PDZK1: variants seen among roughly 807,000 people sequenced by gnomAD.
The protein encoded by PDZK1 is PDZ domain containing 1.
Under a neutral mutation model 38.1 loss-of-function variants are expected in PDZK1, and 23 were observed. That is an observed-to-expected ratio of 0.60 (90% CI 0.43 to 0.85). The LOEUF (loss-of-function observed/expected upper bound fraction) is 0.85. PDZK1 is among the 40% of genes least tolerant of loss of function. PDZK1 has a pLI of 0.00. For missense variants in PDZK1, 297 were observed against 504.3 expected, an observed-to-expected ratio of 0.59 and a Z score of 3.94; for synonymous variants, 98 against 186.2, an observed-to-expected ratio of 0.53 and a Z score of 3.86.
At chr1:145,680,375 G>A (rs587718316) in intron 5 of PDZK1, among the ~76,000 whole-genome samples, 6 of 152,240 alleles carry the variant, frequency 3.9e-5, no homozygotes, top group South Asian at 2.1e-4. Context: ...GTTCTTTTAT[G>A]TATTTACCTT....
At chr1:145,705,028 C>A (rs1311727050) in intron 1 of PDZK1, among the ~76,000 whole-genome samples, 1 of 152,132 alleles carries the variant, frequency 6.6e-6, no homozygotes, top group Non-Finnish European at 1.5e-5. Flanking sequence ...CAGCAAGTAA[C>A]ACAAATGACA....
At chr1:145,699,910 T>G (rs1312196739) in intron 1 of PDZK1, among the ~76,000 whole-genome samples, 3 of 152,160 alleles carry the variant, frequency 2.0e-5, no homozygotes, top group Non-Finnish European at 2.9e-5. Context: ...GAAGCACATG[T>G]GGATGCCGTG....
chr1:145,684,365 C>T (rs1254794837), intron 3 of PDZK1, among the ~76,000 whole-genome samples: 1 of 152,034 alleles, frequency 6.6e-6, no homozygotes, highest in Non-Finnish European at 1.5e-5. Context: ...CCCACCACCA[C>T]ACCCGGCTAA....
chr1:145,707,073 C>A (rs1553705848), intron 1 of PDZK1, among the ~76,000 whole-genome samples: 2 of 152,018 alleles, frequency 1.3e-5, no homozygotes, highest in Non-Finnish European at 2.9e-5. Flanking sequence ...TTACCAATTT[C>A]TTTGTGAAGC....
intron 3 of PDZK1, among the ~76,000 whole-genome samples, chr1:145,685,122 A>G (rs2101898687): frequency 6.6e-6 from 1 of 152,020 alleles, no homozygotes; most frequent in East Asian, 1.9e-4. Flanking sequence ...ATAATGGTTC[A>G]CAATGCAAAA....
At chr1:145,687,399 C>T (rs1299006816) in intron 2 of PDZK1, among the ~76,000 whole-genome samples, 1 of 149,974 alleles carries the variant, frequency 6.7e-6, no homozygotes, top group African/African-American at 2.5e-5. Context: ...GTGGCGGGTG[C>T]CTATAGTCCC....
intron 1 of PDZK1, among the ~76,000 whole-genome samples, chr1:145,693,699 G>C (rs946417207): frequency 6.6e-6 from 1 of 151,970 alleles, no homozygotes; most frequent in South Asian, 2.1e-4. Flanking sequence ...GCGTGAACCC[G>C]GAAGGCGGAG....
rs61813306 is a variant in PDZK1 at position 145,695,110 on chromosome 1, C to T, written c.-2-7087G>A. On this transcript the variant is annotated intron_variant, in intron 1 of 8. Transcript: ENST00000417171. Reference sequence around the variant, plus strand: ...TTTAGACACCAATCAGTGTGGACACCATGTTATGAAAGTGGGAAAGTTTGC... The same window carrying T: ...TTTAGACACCAATCAGTGTGGACACTATGTTATGAAAGTGGGAAAGTTTGC... 3.4e-4 allele frequency among the ~76,000 whole-genome samples: 52 copies of T among 151,442 alleles called. 1 individual carries two copies. The highest frequency in any genetic ancestry group is 6.8e-4 in the Non-Finnish European group (46 of 67,814).
rs55944395 is a variant in PDZK1, at chr1:145,688,100, C to T, written c.-2-77G>A. 1,587 of 1,244,896 alleles carry T rather than the reference C, an allele frequency of 1.3e-3. 14 individuals carry two copies. The African/African-American group carries it at 0.02, about 16-fold the overall frequency. The allele number at this position is 1,244,896 out of a possible 1,614,324, so 77.1% of individuals were successfully genotyped here. Reference sequence around the variant, plus strand: ...GAGTGAGAACCCCATCCTCCATCTCCTATAATTCTGTTCTTCCAATCACCA... The same window carrying T: ...GAGTGAGAACCCCATCCTCCATCTCTTATAATTCTGTTCTTCCAATCACCA... On this transcript the variant is annotated intron_variant, in intron 1 of 8. Coordinates refer to ENST00000417171, the MANE Select transcript of PDZK1 (RefSeq NM_001201325.2).
chr1:145,690,636 C>T (rs977716212), intron 1 of PDZK1, among the ~76,000 whole-genome samples: 5 of 152,162 alleles, frequency 3.3e-5, no homozygotes, highest in South Asian at 2.1e-4. Context: ...TATGAATGCT[C>T]ATTTCTAAGG....
At chr1:145,704,199 A>G (rs1553705394) in intron 1 of PDZK1, among the ~76,000 whole-genome samples, 1 of 152,180 alleles carries the variant, frequency 6.6e-6, no homozygotes, top group African/African-American at 2.4e-5. Flanking sequence ...TATGTATTCA[A>G]TACAACTGGT....
chr1:145,695,527 G>A (rs192092888), intron 1 of PDZK1, among the ~76,000 whole-genome samples: 2 of 152,210 alleles, frequency 1.3e-5, no homozygotes, highest in Admixed American at 1.3e-4. Context: ...ACCCAATGTG[G>A]TTGAAGGACA....
chr1:145,689,797 A>G (rs868968911), intron 1 of PDZK1, among the ~76,000 whole-genome samples: 1 of 152,144 alleles, frequency 6.6e-6, no homozygotes, highest in Non-Finnish European at 1.5e-5. Context: ...ATAGGCCACA[A>G]AGTGCTCCAG....
intron 1 of PDZK1, among the ~76,000 whole-genome samples, chr1:145,690,207 G>T (rs1182965069): frequency 6.6e-6 from 1 of 152,102 alleles, no homozygotes; most frequent in Non-Finnish European, 1.5e-5. Context: ...GCCCATTCCA[G>T]CTCCCTCACC....
At chr1:145,692,161 G>A (rs1210631321) in intron 1 of PDZK1, among the ~76,000 whole-genome samples, 1 of 152,166 alleles carries the variant, frequency 6.6e-6, no homozygotes, top group Non-Finnish European at 1.5e-5. Context: ...TCTGGATCTG[G>A]CAAAGTAGAA....
At chr1:145,684,058 G>T (rs1443911797) in intron 3 of PDZK1, among the ~76,000 whole-genome samples, 12 of 151,272 alleles carry the variant, frequency 7.9e-5, no homozygotes, top group Admixed American at 7.9e-4. Flanking sequence ...TGTTGGCCAG[G>T]CTTGTCTCGA....
rs9726178 is a variant in PDZK1 at position 145,679,086 on chromosome 1, T to C, written c.794-441A>G. ...ACCCAGGCTGGCATTTTAGTAGCAA[T>C]TGGGTGTGTTCGGTTTTGAATATAT... On this transcript the variant is annotated intron_variant, in intron 5 of 8. Coordinates refer to ENST00000417171, the MANE Select transcript of PDZK1 (RefSeq NM_001201325.2). Among the ~76,000 whole-genome samples the C allele has an allele frequency of 3.7e-3, 556 of 151,826 alleles. 4 individuals are homozygous for C. The highest frequency in any genetic ancestry group is 0.013 in the African/African-American group (525 of 41,380).
chr1:145,702,743 A>C (rs1326355985), intron 1 of PDZK1, among the ~76,000 whole-genome samples: 1 of 152,122 alleles, frequency 6.6e-6, no homozygotes, highest in Admixed American at 6.5e-5. Flanking sequence ...AATACAAAAA[A>C]TTAGCTGGGT....
At chr1:145,692,818 A>C (rs1553703547) in intron 1 of PDZK1, among the ~76,000 whole-genome samples, 1 of 151,910 alleles carries the variant, frequency 6.6e-6, no homozygotes, top group Non-Finnish European at 1.5e-5. Context: ...GCGGATAACG[A>C]GGTCAGGAGA....
Sources: allele counts gnomAD v4.1 joint callset (sites outside exome capture counted in the v4.1 genomes callset), GRCh38; gene constraint gnomAD v4.1.1; transcripts MANE v1.5; gene names NCBI Gene and HGNC (gene_info 2026-07-23, HGNC 2026-07-21).